The following TBC1D9B variants were observed in gnomAD, a reference collection of about 807,000 sequenced individuals.
The protein encoded by TBC1D9B is TBC1 domain family, member 9B (with GRAM domain).
Under a neutral mutation model 121.1 loss-of-function variants are expected in TBC1D9B, and 87 were observed. The observed-to-expected ratio is 0.72, with a 90% CI of 0.60 to 0.86. The LOEUF is 0.86. Among genes scored for constraint, TBC1D9B ranks in the 40% least tolerant of loss-of-function variants. The probability of loss-of-function intolerance (pLI) is 0.00; values close to 1 mark genes in which losing one functional copy is unlikely to be tolerated. For synonymous variants in TBC1D9B, 668 were observed against 670.1 expected (o/e 1.00, Z 0.05); for missense variants, 1,540 against 1,628.6 (o/e 0.95, Z 0.94).
chr5:179,894,678 C>G, intron 3 of TBC1D9B, 64 bp from the exon 4 acceptor site: 1 of 1,555,012 alleles, frequency 6.4e-7, no homozygotes, highest in East Asian at 2.3e-5. Context: ...AAGGGTGGAG[C>G]AGAGAGGCCC....
intron 2 of TBC1D9B, among the ~76,000 whole-genome samples, chr5:179,900,840 G>A (rs1761146656): frequency 6.6e-6 from 1 of 152,132 alleles, no homozygotes; most frequent in African/African-American, 2.4e-5. Flanking sequence ...ATGCTCGGGA[G>A]GCCAGTGTGA....
chr5:179,899,871 T>C (rs1042577655), intron 2 of TBC1D9B, among the ~76,000 whole-genome samples: 1 of 152,040 alleles, frequency 6.6e-6, no homozygotes, highest in Non-Finnish European at 1.5e-5. Context: ...CTTCTTACCT[T>C]GTGTCTGCCC....
intron 7 of TBC1D9B, among the ~76,000 whole-genome samples, chr5:179,881,945 C>CTT (rs1561640797): frequency 7.2e-6 from 1 of 139,262 alleles, no homozygotes; most frequent in African/African-American, 3.3e-5. Flanking sequence ...ATATACCTTC[C>CTT]GTTTTTTTTT....
Position 179,894,399 on chromosome 5 carries a change from C to G in TBC1D9B, c.564G>C (p.Leu188=). The G allele has an allele frequency of 6.2e-7, 1 of 1,612,866 alleles. No homozygotes were observed. The highest frequency in any genetic ancestry group is 1.1e-5 in the South Asian group (1 of 90,920). ...TVNHLCFYSF[L]LGKEVSLVVQ... is the part of the protein sequence containing the mutation. The stretch of plus-strand genomic sequence containing the variant: ...GGGCGGGCTCACCTTCCTTCCCCAG[C>G]AGGAAGGAGTAGAAGCACAGGTGGT... Residue 188 remains leucine (L), a synonymous_variant, in exon 4 of 21, where the codon CTG becomes CTC. Transcript: ENST00000355235.
At position 179,905,672 on chromosome 5, in the gene TBC1D9B, G is replaced by A. The variant is rs145373145; in HGVS notation, c.119-860C>T. ...GTCACTATTTCCTGACAAATCAGCAGGAAATATATAGCTTTTATCATTGTT... is the reference window on the plus strand; with the variant it reads ...GTCACTATTTCCTGACAAATCAGCAAGAAATATATAGCTTTTATCATTGTT... On this transcript the variant is annotated intron_variant, in intron 1 of 20. Transcript: ENST00000355235. Among the ~76,000 whole-genome samples, 54 of 152,244 alleles carry A rather than the reference G, an allele frequency of 3.5e-4. No homozygotes were observed. The East Asian group carries it at 7.1e-3, about 20-fold the overall frequency.
chr5:179,902,226 C>T lies in TBC1D9B; in HGVS notation c.229+2476G>A, dbSNP rs552022863. ...GGAGTCTGGGCAGTTCTCAGAGGAG[C>T]GGGAGGGAAGGTTAGCTGGCATGGC... On this transcript the variant is annotated intron_variant, in intron 2 of 20. Transcript: ENST00000355235. This position sits in a 1 kb window ranked among gnomAD's most constrained non-coding sequence, Gnocchi z 4.9. 2.6e-4 allele frequency among the ~76,000 whole-genome samples: 40 copies of T among 152,284 alleles called. No homozygotes were observed. Among genetic ancestry groups the T allele is most frequent in the African/African-American group, 9.6e-4 (40 of 41,552 alleles).
At chr5:179,869,963 C>A (rs1760139574) in intron 16 of TBC1D9B, 129 bp from the exon 17 acceptor site, 1 of 999,790 alleles carries the variant, frequency 1.0e-6, no homozygotes, top group South Asian at 1.7e-5. Context: ...CAGGGTGAGT[C>A]CCAGATCTCC....
intron 16 of TBC1D9B, 142 bp downstream of exon 16, chr5:179,870,113 G>A (rs1760144504): frequency 1.1e-5 from 16 of 1,407,978 alleles, no homozygotes; most frequent in South Asian, 2.7e-5. Context: ...TGGGTAAACT[G>A]TTCTTCCCGT....
At chr5:179,880,827 C>T (rs1167108892) in intron 7 of TBC1D9B, among the ~76,000 whole-genome samples, 1 of 152,154 alleles carries the variant, frequency 6.6e-6, no homozygotes, top group African/African-American at 2.4e-5. Context: ...ATTTTGGGTC[C>T]ACTTAAACAA....
At chr5:179,867,686 G>C in intron 18 of TBC1D9B, 92 bp downstream of exon 18, 1 of 1,570,354 alleles carries the variant, frequency 6.4e-7, no homozygotes, top group Admixed American at 1.7e-5. Flanking sequence ...GAGCCCAGGT[G>C]GGACTGCTGG....
At chr5:179,878,148 C>T (rs1004631761) in intron 10 of TBC1D9B, among the ~76,000 whole-genome samples, 161 bp downstream of exon 10, 1 of 152,222 alleles carries the variant, frequency 6.6e-6, no homozygotes, top group Admixed American at 6.5e-5. Context: ...CATGGGGATG[C>T]GATGAGCAAT....
At chr5:179,893,824 C>T in intron 4 of TBC1D9B, among the ~76,000 whole-genome samples, 1 of 152,110 alleles carries the variant, frequency 6.6e-6, no homozygotes, top group East Asian at 1.9e-4. Context: ...GAACAGGACA[C>T]AGCCCCTGCT....
chr5:179,878,498 G>C lies in TBC1D9B; in HGVS notation c.1593C>G (p.His531Gln). 1 of 1,608,582 alleles carries C rather than the reference G, an allele frequency of 6.2e-7. No individual in the cohort carries two copies. Among genetic ancestry groups the C allele is most frequent in the Non-Finnish European group, 8.5e-7 (1 of 1,177,362 alleles). The change falls in exon 10 of 21, where the codon CAC (histidine) becomes CAG (glutamine). Residue 531 changes from histidine (H) to glutamine (Q), a missense_variant. Transcript: ENST00000355235. ...CCACCAGCTCAGCATAGTACCCGGG[G>C]TGAGTCACCATCTCATTCCAGGCCC... is the stretch of plus-strand genomic sequence containing the variant. ...FSGAWNEMVTHPGYYAELVEK... is the reference protein window; with the variant it reads ...FSGAWNEMVTQPGYYAELVEK...
chr5:179,879,509 C>A, intron 8 of TBC1D9B, 119 bp downstream of exon 8: 1 of 1,482,184 alleles, frequency 6.7e-7, no homozygotes. Flanking sequence ...CCTGGGTGGG[C>A]ACTGCCCAGC....
chr5:179,906,827 T>C (rs774567721), intron 1 of TBC1D9B, among the ~76,000 whole-genome samples: 49 of 152,222 alleles, frequency 3.2e-4, no homozygotes, highest in Non-Finnish European at 5.9e-4. Flanking sequence ...CTTGATAAAC[T>C]GGACGACCTG....
rs1229327129 is a variant in TBC1D9B, at chr5:179,870,377, A to G, written c.2603T>C (p.Phe868Ser). The G allele has an allele frequency of 6.2e-7, 1 of 1,613,728 alleles. No individual in the cohort carries two copies. Among genetic ancestry groups the G allele is most frequent in the Non-Finnish European group, 8.5e-7 (1 of 1,180,030 alleles). The part of the protein sequence containing the change: ...RIDASQFREL[F>S]ASLTPWACGS... ...ACAGGCCCAGGGTGTCAGGCTGGCA[A>G]AGAGTTCCCGGAACTGGCTGGCATC... The change falls in exon 16 of 21, where the codon TTT (phenylalanine) becomes TCT (serine). Residue 868 changes from phenylalanine (F) to serine (S), a missense_variant. By Grantham distance (155) the Phe-to-Ser change is radical. Transcript: ENST00000355235.
chr5:179,898,385 C>A (rs1761074607), intron 3 of TBC1D9B, among the ~76,000 whole-genome samples: 1 of 151,992 alleles, frequency 6.6e-6, no homozygotes, highest in South Asian at 2.1e-4. Context: ...GATCTCCTAA[C>A]CTCGTGATCT....
In TBC1D9B at chr5:179,863,808, G is replaced by A. The variant is rs764561784; in HGVS notation, c.3342C>T (p.Gly1114=). The change falls in exon 21 of 21, where the codon GGC becomes GGT. Residue 1114 remains glycine, a synonymous_variant. Transcript: ENST00000355235. The surrounding 1 kb of genome is among the most constrained non-coding windows in gnomAD (Gnocchi z 4.5). ...PQESQVVVEG[G]SGEGQGSPSQ... is the part of the protein sequence containing the mutation. ...AGGGTGAGCCCTGTCCCTCGCCGCT[G>A]CCCCCCTCCACCACCACCTGGCTCT... 18 of 1,613,588 alleles carry A rather than the reference G, an allele frequency of 1.1e-5. No homozygotes were observed. The highest frequency in any genetic ancestry group is 1.4e-5 in the Non-Finnish European group (17 of 1,179,960).
At chr5:179,898,856 T>C (rs566273494) in intron 3 of TBC1D9B, among the ~76,000 whole-genome samples, 1 of 152,322 alleles carries the variant, frequency 6.6e-6, no homozygotes, top group East Asian at 1.9e-4. Flanking sequence ...AGTTTTATTA[T>C]AAAAAACAAC....
Sources: allele counts gnomAD v4.1 joint callset (sites outside exome capture counted in the v4.1 genomes callset), GRCh38; gene constraint gnomAD v4.1.1; non-coding constraint Gnocchi (gnomAD v3.1); transcripts MANE v1.5; gene names NCBI Gene and HGNC (gene_info 2026-07-23, HGNC 2026-07-21).